Variants in PRLR observed in about 807,000 individuals in gnomAD.
PRLR encodes prolactin receptor.
Under a neutral mutation model 40.2 loss-of-function variants are expected in PRLR, and 13 were observed. The ratio of observed to expected loss-of-function variants is 0.32; its 90% CI spans 0.21 to 0.51. PRLR has a LOEUF of 0.51. Ranked by LOEUF, PRLR falls within the 20% of genes least tolerant of loss-of-function variation. The pLI, the probability that PRLR is intolerant of heterozygous loss-of-function variation, is 0.97. For synonymous variants in PRLR, 269 were observed against 278.7 expected (o/e 0.97, Z 0.35); for missense variants, 656 against 747.3 (o/e 0.88, Z 1.42).
At chr5:35,184,457 C>G (rs572404062) in intron 1 of PRLR, among the ~76,000 whole-genome samples, 1 of 152,238 alleles carries the variant, frequency 6.6e-6, no homozygotes, top group South Asian at 2.1e-4. Context: ...GAGGTTGCAG[C>G]AGTGAGCCGA....
chr5:35,091,553 G>A (rs957415465), intron 2 of PRLR, among the ~76,000 whole-genome samples: 2 of 152,210 alleles, frequency 1.3e-5, no homozygotes, highest in Non-Finnish European at 2.9e-5. Context: ...GAGCCACTGA[G>A]AGATCATCCT....
At chr5:35,079,254 G>T (rs1426812849) in intron 5 of PRLR, among the ~76,000 whole-genome samples, 2 of 152,322 alleles carry the variant, frequency 1.3e-5, no homozygotes, top group East Asian at 3.9e-4. Context: ...ATTAGGAAAA[G>T]AGGAAGTCAA....
rs552345658 is a variant in PRLR at position 35,191,039 on chromosome 5, T to C, written c.-106+39229A>G. On this transcript the variant is annotated intron_variant, in intron 1 of 9. Transcript: ENST00000618457. ...ACAGAAATGATCCAATTAACAGATG[T>C]GTTATTTTCTTTTTTTTTTTTTTTT... 4.9e-4 allele frequency among the ~76,000 whole-genome samples: 66 copies of C among 133,382 alleles called. 2 individuals are homozygous for C. The South Asian group carries it at 0.016, about 32-fold the overall frequency. The allele number at this position is 133,382 out of a possible 152,430, so 87.5% of individuals were successfully genotyped here. A position where few individuals can be genotyped will look rare whatever the true frequency, so the allele number is the denominator to read the frequency against.
intron 1 of PRLR, among the ~76,000 whole-genome samples, chr5:35,224,493 G>T (rs1705277632): frequency 1.3e-5 from 2 of 152,250 alleles, no homozygotes; most frequent in South Asian, 4.1e-4. Flanking sequence ...CCCAGATTTG[G>T]ATTTCAAGTG....
intron 6 of PRLR, among the ~76,000 whole-genome samples, chr5:35,070,572 G>A (rs190805375): frequency 2.6e-5 from 4 of 152,174 alleles, no homozygotes; most frequent in Admixed American, 2.0e-4. Context: ...GGCCAGGCAT[G>A]GTGCCTCATG....
intron 1 of PRLR, among the ~76,000 whole-genome samples, chr5:35,178,928 A>G (rs1004260886): frequency 2.6e-5 from 4 of 152,156 alleles, no homozygotes; most frequent in Non-Finnish European, 4.4e-5. Flanking sequence ...TAACCTGGCT[A>G]AAGTTTTCAG....
chr5:35,193,411 C>G (rs1174951857), intron 1 of PRLR, among the ~76,000 whole-genome samples: 1 of 152,210 alleles, frequency 6.6e-6, no homozygotes, highest in Non-Finnish European at 1.5e-5. Context: ...ACTCTATCAT[C>G]TTACTGGGTT....
At chr5:35,167,192 C>CTATCATA (rs1561344179) in intron 1 of PRLR, among the ~76,000 whole-genome samples, 12 of 144,538 alleles carry the variant, frequency 8.3e-5, no homozygotes, top group African/African-American at 2.8e-4. Flanking sequence ...TATCTATCAT[C>CTATCATA]TAACTCTTTA....
intron 1 of PRLR, among the ~76,000 whole-genome samples, chr5:35,128,350 A>G (rs991951255): frequency 6.6e-6 from 1 of 150,776 alleles, no homozygotes; most frequent in African/African-American, 2.4e-5. Flanking sequence ...TCTTTGATAC[A>G]AGACGTTGTA....
At chr5:35,174,476 A>G (rs770172949) in intron 1 of PRLR, among the ~76,000 whole-genome samples, 10 of 152,264 alleles carry the variant, frequency 6.6e-5, no homozygotes, top group Admixed American at 5.2e-4. Flanking sequence ...AAACACCACA[A>G]TTAAATTATT....
At position 35,056,342 on chromosome 5, in the gene PRLR, A is replaced by C. The variant is rs1032288348; in HGVS notation, c.*8747T>G. ...TCGAGGGACTTTCAAAGGTGAAGCC[A>C]GCAGGAATTACTCTGCATATTCTGG... On this transcript the variant is annotated 3_prime_UTR_variant, in exon 10 of 10. Coordinates refer to ENST00000618457, the MANE Select transcript of PRLR (RefSeq NM_000949.7). The C allele has an allele frequency of 1.1e-4, 16 of 152,198 alleles. No homozygotes were observed. Among genetic ancestry groups the C allele is most frequent in the Admixed American group, 9.2e-4 (14 of 15,260 alleles). 9.4% of individuals were successfully genotyped at this position (152,198 alleles called of 1,614,324 possible).
chr5:35,200,567 A>T (rs1326815017), intron 1 of PRLR, among the ~76,000 whole-genome samples: 1 of 152,194 alleles, frequency 6.6e-6, no homozygotes, highest in Non-Finnish European at 1.5e-5. Flanking sequence ...CCCCAAGAAC[A>T]AGGCTTTTCT....
At chr5:35,227,585 A>T (rs1776583644) in intron 1 of PRLR, among the ~76,000 whole-genome samples, 1 of 152,234 alleles carries the variant, frequency 6.6e-6, no homozygotes, top group African/African-American at 2.4e-5. Context: ...GCATGCAGGA[A>T]TACCTCACCA....
Position 35,068,787 on chromosome 5 carries a change from C to T in PRLR, c.777G>A (p.Lys259=), listed in dbSNP as rs756951815. 44 of 1,604,890 alleles carry T rather than the reference C, an allele frequency of 2.7e-5. No homozygotes were observed. The highest frequency in any genetic ancestry group is 3.5e-5 in the Non-Finnish European group (41 of 1,172,100). Residue 259 remains lysine (K), a synonymous_variant, in exon 8 of 10, where the codon AAG becomes AAA. Coordinates refer to ENST00000618457, the MANE Select transcript of PRLR (RefSeq NM_000949.7). ...GAGAGACAGTGAAGTACCTATAGCC[C>T]TTCAAAGCCACTGCCCAGACAATAA... The part of the protein sequence containing the change: ...CLIIVWAVAL[K]GYSMVTCIFP...
chr5:35,078,601 G>A (rs185496912), intron 5 of PRLR, among the ~76,000 whole-genome samples: 3 of 151,968 alleles, frequency 2.0e-5, no homozygotes, highest in African/African-American at 4.8e-5. Context: ...AGGACCAGAC[G>A]GATTCACAGC....
intron 1 of PRLR, among the ~76,000 whole-genome samples, chr5:35,152,201 T>C (rs1774362388): frequency 6.6e-6 from 1 of 152,216 alleles, no homozygotes; most frequent in South Asian, 2.1e-4. Flanking sequence ...ATGTAAGCTT[T>C]TGTAAACTGA....
chr5:35,208,620 CTTAT>C (rs1776084407), intron 1 of PRLR, among the ~76,000 whole-genome samples: 1 of 152,148 alleles, frequency 6.6e-6, no homozygotes, highest in South Asian at 2.1e-4. Flanking sequence ...GCCACAAAAA[CTTAT>C]TTATTTGTCA....
At chr5:35,077,395 G>C (rs564501744) in intron 5 of PRLR, among the ~76,000 whole-genome samples, 197 of 152,216 alleles carry the variant, frequency 1.3e-3, no homozygotes, top group Admixed American at 4.3e-3. Flanking sequence ...AAAAGCAGGG[G>C]TTGCAATCCT....
At chr5:35,148,034 T>C (rs928111769) in intron 1 of PRLR, among the ~76,000 whole-genome samples, 7 of 152,150 alleles carry the variant, frequency 4.6e-5, no homozygotes, top group African/African-American at 1.7e-4. Flanking sequence ...GAATTAATCA[T>C]AGGTTTAAGT....
Sources: allele counts gnomAD v4.1 joint callset (sites outside exome capture counted in the v4.1 genomes callset), GRCh38; gene constraint gnomAD v4.1.1; transcripts MANE v1.5; gene names NCBI Gene and HGNC (gene_info 2026-07-23, HGNC 2026-07-21).